The following KLK8 variants were observed in gnomAD, a reference collection of about 807,000 sequenced individuals.
The protein encoded by KLK8 is kallikrein related peptidase 8.
KLK8 carries 18 observed loss-of-function variants against 26.7 expected under a neutral mutation model. That is an observed-to-expected ratio of 0.67 (90% CI 0.47 to 1.00). KLK8 has a LOEUF of 1.00. Ranked by LOEUF, KLK8 falls within the 50% of genes least tolerant of loss-of-function variation. The probability of loss-of-function intolerance (pLI) is 0.00; values close to 1 mark genes in which losing one functional copy is unlikely to be tolerated. For missense variants in KLK8, 301 were observed against 331.7 expected (o/e 0.91, Z 0.72); for synonymous variants, 137 against 127.1 (o/e 1.08, Z -0.52).
intron 6 of KLK8, among the ~76,000 whole-genome samples, chr19:50,997,503 C>T (rs1025622174): frequency 6.6e-6 from 1 of 152,192 alleles, no homozygotes; most frequent in African/African-American, 2.4e-5. Flanking sequence ...TGCATCCCAT[C>T]CTGTAGTTAA....
intron 6 of KLK8, among the ~76,000 whole-genome samples, 163 bp downstream of exon 5, chr19:50,997,588 T>C (rs2091182057): frequency 6.6e-6 from 1 of 152,160 alleles, no homozygotes; most frequent in East Asian, 1.9e-4. Context: ...AGAGAGAGTT[T>C]GGCTTCTCTG....
At chr19:51,001,021 G>A in intron 3 of KLK8, 77 bp downstream of exon 2, 1 of 1,336,958 alleles carries the variant, frequency 7.5e-7, no homozygotes. Flanking sequence ...TAACCCCCGC[G>A]GCATTCCCAC....
At chr19:50,997,995 G>A in intron 5 of KLK8, 111 bp from the exon 5 acceptor site, 2 of 1,364,664 alleles carry the variant, frequency 1.5e-6, no homozygotes, top group East Asian at 2.3e-5. Context: ...TTTTCCAGCT[G>A]CATGGGGGAA....
At chr19:50,996,384 AC>A (rs1178422908) in intron 6 of KLK8, among the ~76,000 whole-genome samples, 170 bp from the exon 6 acceptor site, 3 of 152,190 alleles carry the variant, frequency 2.0e-5, no homozygotes, top group Non-Finnish European at 4.4e-5. Flanking sequence ...GCTTCCATGT[AC>A]AGACAGACAT....
rs749134834 is a variant in KLK8, at chr19:50,997,825, C to T, written c.553G>A (p.Glu185Lys). The change falls in exon 6 of 7, where the codon GAG becomes AAG. Residue 185 changes from glutamate (E) to lysine (K), a missense_variant. Coordinates refer to ENST00000600767, the Ensembl canonical transcript of KLK8. ...GTGATCTGCCCCGGGTAAGCATCCT[C>T]ACACTTCTTCTGGGGAAAGATTTTT... The T allele has an allele frequency of 1.6e-5, 26 of 1,614,054 alleles. No individual in the cohort carries two copies. The Admixed American group carries it at 4.3e-4, about 27-fold the overall frequency.
intron 2 of KLK8, 67 bp from the exon 2 acceptor site, chr19:51,001,242 G>T: frequency 1.4e-6 from 2 of 1,412,536 alleles, no homozygotes; most frequent in East Asian, 2.3e-5. Flanking sequence ...TTCTGGATTT[G>T]GGCACTGGGG....
rs56988162 is a variant in KLK8, at chr19:50,999,583, CAAAAAAAAAA to C, written c.493+403_493+412del. 1.7e-3 allele frequency among the ~76,000 whole-genome samples: 52 copies of C among 30,254 alleles called. No homozygotes were observed. In the East Asian group the frequency reaches 0.021, roughly 12 times the overall value. The allele number at this position is 30,254 out of a possible 152,430, so 19.8% of individuals were successfully genotyped here. A position where few individuals can be genotyped will look rare whatever the true frequency, so the allele number is the denominator to read the frequency against. On this transcript the variant is annotated intron_variant, in intron 5 of 6. Coordinates refer to ENST00000600767, the Ensembl canonical transcript of KLK8. Reference sequence around the variant, plus strand: ...GATTGAGTGAAACTGTGTCCCCCTGCAAAAAAAAAAAAAAAAAAAAAAAAAAAAAAAAAAA... The same window carrying C: ...GATTGAGTGAAACTGTGTCCCCCTGCAAAAAAAAAAAAAAAAAAAAAAAAA...
rs1215878165 is a variant in KLK8, at chr19:50,996,081, T to G, written c.761A>C (p.Lys254Thr). 1.9e-6 allele frequency: 3 copies of G among 1,614,128 alleles called. No homozygotes were observed. The African/African-American group carries it at 4.0e-5, about 22-fold the overall frequency. Residue 254 changes from lysine (K) to threonine (T), a missense_variant, in exon 7 of 7, where the codon AAG becomes ACG. By Grantham distance (78) the Lys-to-Thr change is moderately conservative (BLOSUM62 -1). Transcript: ENST00000600767. Reference sequence around the variant, plus strand: ...GAATCAGCCCTTGCTGCCTATGATCTTCTTGATCCAGTCCAGGTAGCGGCA... The same window carrying G: ...GAATCAGCCCTTGCTGCCTATGATCGTCTTGATCCAGTCCAGGTAGCGGCA...
chr19:51,000,286 C>G lies in KLK8; in HGVS notation c.231-28G>C, dbSNP rs1568556078. The G allele has an allele frequency of 1.9e-6, 3 of 1,555,716 alleles. No individual in the cohort carries two copies. The East Asian group carries it at 6.8e-5, about 35-fold the overall frequency. On this transcript the variant is annotated intron_variant, in intron 4 of 6. Coordinates refer to ENST00000600767, the Ensembl canonical transcript of KLK8. Reference sequence around the variant, plus strand: ...GTAATGGTGGGGATAGTTTGGGACCCAGGCAGGGGTATTGCCCCCAGCCCC... The same window carrying G: ...GTAATGGTGGGGATAGTTTGGGACCGAGGCAGGGGTATTGCCCCCAGCCCC...
intron 2 of KLK8, 122 bp downstream of exon 1, chr19:51,001,410 A>G (rs2091225529): frequency 3.8e-6 from 2 of 530,978 alleles, no homozygotes; most frequent in Non-Finnish European, 3.4e-6. Flanking sequence ...TAGGGAGAGG[A>G]GGAAGCCGGG....
intron 5 of KLK8, among the ~76,000 whole-genome samples, chr19:50,998,192 C>G (rs1280812805): frequency 6.6e-6 from 1 of 151,964 alleles, no homozygotes; most frequent in East Asian, 1.9e-4. Context: ...TACCTCTGAC[C>G]CTCTCTTTCC....
exon 7 of KLK8, chr19:50,996,123 C>T: frequency 6.2e-7 from 1 of 1,614,198 alleles, no homozygotes; most frequent in South Asian, 1.1e-5. Flanking sequence ...GGTATAGACG[C>T]CAGGTTTGTC....
intron 5 of KLK8, 73 bp from the exon 5 acceptor site, chr19:50,997,957 C>A: frequency 6.3e-7 from 1 of 1,580,734 alleles, no homozygotes; most frequent in South Asian, 1.1e-5. Context: ...GATCTAACCC[C>A]CTTTCTTTCC....
chr19:50,999,583 CAAAAAA>C (rs56988162), intron 5 of KLK8, among the ~76,000 whole-genome samples: 2 of 30,294 alleles, frequency 6.6e-5, no homozygotes, highest in Non-Finnish European at 1.4e-4. Context: ...TGTCCCCCTG[CAAAAAA>C]AAAAAAAAAA....
chr19:51,001,113 C>T (rs773148785), exon 3 of KLK8: 22 of 1,612,820 alleles, frequency 1.4e-5, no homozygotes, highest in Non-Finnish European at 1.7e-5. Context: ...CAGGCTCCCC[C>T]CAGCAAGAGC....
At chr19:50,996,913 C>G (rs1020554561) in intron 6 of KLK8, among the ~76,000 whole-genome samples, 1 of 151,198 alleles carries the variant, frequency 6.6e-6, no homozygotes, top group Non-Finnish European at 1.5e-5. Context: ...CACACACACA[C>G]ACACACACAC....
chr19:50,997,944 C>A, intron 5 of KLK8, 60 bp from the exon 5 acceptor site: 1 of 1,599,950 alleles, frequency 6.3e-7, no homozygotes, highest in Non-Finnish European at 8.5e-7. Context: ...CCATCCCTGT[C>A]TGGATCTAAC....
At chr19:50,996,015 A>C (rs764864728) in exon 7 of KLK8, 2 of 1,601,184 alleles carry the variant, frequency 1.2e-6, no homozygotes, top group Middle Eastern at 1.7e-4. Context: ...AAGGAACCAG[A>C]GAGTTGTGAG....
rs189390625 is a variant in KLK8 at position 50,999,514 on chromosome 19, G to C, written c.493+482C>G. 2.7e-4 allele frequency among the ~76,000 whole-genome samples: 37 copies of C among 138,154 alleles called. No homozygotes were observed. In the East Asian group the frequency reaches 8.3e-3, roughly 31 times the overall value. 90.6% of individuals were successfully genotyped at this position (138,154 alleles called of 152,430 possible). A position where few individuals can be genotyped will look rare whatever the true frequency, so the allele number is the denominator to read the frequency against. Reference sequence around the variant, plus strand: ...GAATCGCTTAAACCCAGGAGGCAGAGATTGTAGTGAGCTGAGATTGTGCCA... The same window carrying C: ...GAATCGCTTAAACCCAGGAGGCAGACATTGTAGTGAGCTGAGATTGTGCCA... On this transcript the variant is annotated intron_variant, in intron 5 of 6. Coordinates refer to ENST00000600767, the Ensembl canonical transcript of KLK8.
Sources: allele counts gnomAD v4.1 joint callset (sites outside exome capture counted in the v4.1 genomes callset), GRCh38; gene constraint gnomAD v4.1.1; transcripts MANE v1.5; gene names NCBI Gene and HGNC (gene_info 2026-07-23, HGNC 2026-07-21).